The following STX18 variants were observed in gnomAD, a reference collection of about 807,000 sequenced individuals.
The protein encoded by STX18 is syntaxin 18.
Under a neutral mutation model 50.1 loss-of-function variants are expected in STX18, and 40 were observed. The observed-to-expected ratio is 0.80, with a 90% CI of 0.62 to 1.04. STX18 has a LOEUF of 1.04. STX18 is among the 50% of genes least tolerant of loss of function. The pLI is 0.00. For missense variants in STX18, 410 were observed against 415.8 expected (o/e 0.99, Z 0.12); for synonymous variants, 158 against 151.8 (o/e 1.04, Z -0.30).
intron 7 of STX18, among the ~76,000 whole-genome samples, chr4:4,427,223 G>C (rs1036962539): frequency 6.6e-6 from 1 of 152,160 alleles, no homozygotes; most frequent in Non-Finnish European, 1.5e-5. Flanking sequence ...CAGACCCACC[G>C]GGCCAGAAAA....
At chr4:4,437,701 G>A in intron 6 of STX18, 10 of 825,650 alleles carry the variant, frequency 1.2e-5, no homozygotes, top group Non-Finnish European at 1.5e-5. Flanking sequence ...CCTGGCTCCA[G>A]CACGCCATCA....
intron 1 of STX18, among the ~76,000 whole-genome samples, chr4:4,538,267 T>C (rs980736004): frequency 9.9e-5 from 15 of 152,120 alleles, no homozygotes; most frequent in African/African-American, 3.6e-4. Flanking sequence ...AGGGATCCAC[T>C]AAGAAATTAG....
intron 1 of STX18, among the ~76,000 whole-genome samples, chr4:4,516,613 A>G (rs1293233493): frequency 6.6e-6 from 1 of 152,196 alleles, no homozygotes; most frequent in African/African-American, 2.4e-5. Flanking sequence ...AAACATCAAC[A>G]TTCTGCATTT....
intron 1 of STX18, among the ~76,000 whole-genome samples, chr4:4,480,446 A>G (rs1305576325): frequency 2.0e-5 from 3 of 152,168 alleles, no homozygotes; most frequent in Non-Finnish European, 4.4e-5. Context: ...GGCTCTGCTC[A>G]GGTGTCACAC....
chr4:4,538,115 A>AAC (rs1214130280), intron 1 of STX18, among the ~76,000 whole-genome samples: 1 of 151,472 alleles, frequency 6.6e-6, no homozygotes, highest in Non-Finnish European at 1.5e-5. Context: ...AAAAAAAAAA[A>AAC]CCACAAACAA....
chr4:4,527,867 C>CACACATATTATAT (rs372566368), intron 1 of STX18, among the ~76,000 whole-genome samples: 1 of 137,208 alleles, frequency 7.3e-6, no homozygotes, highest in African/African-American at 2.6e-5. Context: ...CACACACACA[C>CACACATATTATAT]ATATATATAT....
chr4:4,438,757 T>C (rs112894784), intron 5 of STX18, among the ~76,000 whole-genome samples: 3 of 151,956 alleles, frequency 2.0e-5, no homozygotes, highest in African/African-American at 2.4e-5. Context: ...GTGACCAGCA[T>C]GCAGGGGGAG....
At chr4:4,425,068 C>T in intron 8 of STX18, 96 bp downstream of exon 8, 2 of 1,171,688 alleles carry the variant, frequency 1.7e-6, no homozygotes, top group Non-Finnish European at 2.5e-6. Context: ...CCCAAGGGCC[C>T]CATGGGGATG....
chr4:4,517,067 T>C (rs1166832050), intron 1 of STX18, among the ~76,000 whole-genome samples: 1 of 152,186 alleles, frequency 6.6e-6, no homozygotes, highest in East Asian at 1.9e-4. Flanking sequence ...TCACAGAAAG[T>C]TGGTTCTCAG....
intron 1 of STX18, among the ~76,000 whole-genome samples, chr4:4,524,206 A>C (rs1281156166): frequency 6.6e-6 from 1 of 152,222 alleles, no homozygotes; most frequent in Non-Finnish European, 1.5e-5. Context: ...CCTTCAGTTC[A>C]AAGTGGTATT....
intron 1 of STX18, among the ~76,000 whole-genome samples, chr4:4,477,278 G>C (rs74605469): frequency 6.6e-6 from 1 of 152,174 alleles, no homozygotes; most frequent in East Asian, 1.9e-4. Flanking sequence ...AACTCATGTA[G>C]TACTTTCTTC....
chr4:4,480,061 T>G (rs1056226833), intron 1 of STX18, among the ~76,000 whole-genome samples: 1 of 152,128 alleles, frequency 6.6e-6, no homozygotes, highest in African/African-American at 2.4e-5. Context: ...GCGTGAAACA[T>G]AGGAAATGCA....
intron 2 of STX18, among the ~76,000 whole-genome samples, chr4:4,463,491 A>G (rs796366804): frequency 1.2e-4 from 18 of 152,358 alleles, no homozygotes; most frequent in African/African-American, 4.1e-4. Context: ...ACAGATTCAC[A>G]TGGTTCGTAA....
chr4:4,487,411 T>C (rs921412946), intron 1 of STX18, among the ~76,000 whole-genome samples: 10 of 152,242 alleles, frequency 6.6e-5, no homozygotes, highest in African/African-American at 2.4e-4. Context: ...TCGGACACCA[T>C]GTTAAACCCA....
Position 4,439,605 on chromosome 4 carries a change from AC to A in STX18, c.498-1097del, listed in dbSNP as rs200708702. ...TACACACACACACCCCCACACACATACCCCCCAACATATATACTCATACACA... is the reference window on the plus strand; with the variant it reads ...TACACACACACACCCCCACACACATACCCCCAACATATATACTCATACACA... On this transcript the variant is annotated intron_variant, in intron 5 of 10. Coordinates refer to ENST00000306200, the MANE Select transcript of STX18 (RefSeq NM_016930.4). Among the ~76,000 whole-genome samples, 1,073 of 142,004 alleles carry A rather than the reference AC, an allele frequency of 7.6e-3. 10 individuals are homozygous for A. Among genetic ancestry groups the A allele is most frequent in the African/African-American group, 0.027 (1,016 of 38,148 alleles). 93.2% of individuals were successfully genotyped at this position (142,004 alleles called of 152,430 possible). A position where few individuals can be genotyped will look rare whatever the true frequency, so the allele number is the denominator to read the frequency against.
chr4:4,429,765 T>C lies in STX18; in HGVS notation c.703-4543A>G, dbSNP rs144726555. On this transcript the variant is annotated intron_variant, in intron 7 of 10. Transcript: ENST00000306200. ...CCCAGGGTCTGTCCAGCTCTCACTA[T>C]GTGGTATTCAGATTCCACCAATCCT... is the stretch of plus-strand genomic sequence containing the variant. 1.2e-3 allele frequency among the ~76,000 whole-genome samples: 185 copies of C among 152,328 alleles called. 1 individual carries two copies. The highest frequency in any genetic ancestry group is 2.1e-3 in the Admixed American group (32 of 15,308).
chr4:4,459,375 C>T lies in STX18; in HGVS notation c.349G>A (p.Glu117Lys). 1 of 1,612,532 alleles carries T rather than the reference C, an allele frequency of 6.2e-7. No individual in the cohort carries two copies. Among genetic ancestry groups the T allele is most frequent in the Non-Finnish European group, 8.5e-7 (1 of 1,178,664 alleles). ...CSEAIQQLRTEAHKEIHSQQV... is the reference protein window; with the variant it reads ...CSEAIQQLRTKAHKEIHSQQV... ...TGCATCTTTCAGAGCACTTTACCTT[C>T]TGTTCGTAGTTGCTGAATTGCTTCT... Residue 117 changes from glutamate to lysine, a missense_variant, in exon 3 of 11, where the codon GAA (glutamate) becomes AAA (lysine). Transcript: ENST00000306200.
At chr4:4,476,129 C>A (rs1332947616) in intron 1 of STX18, 1 of 152,228 alleles carries the variant, frequency 6.6e-6, no homozygotes, top group East Asian at 1.9e-4. Flanking sequence ...GAACAGTCTT[C>A]CATCAGACTG....
intron 2 of STX18, among the ~76,000 whole-genome samples, chr4:4,460,320 C>T (rs931804746): frequency 6.6e-6 from 1 of 152,122 alleles, no homozygotes; most frequent in Non-Finnish European, 1.5e-5. Context: ...AATGAATGAG[C>T]CTGAGTTGGA....
Sources: allele counts gnomAD v4.1 joint callset (sites outside exome capture counted in the v4.1 genomes callset), GRCh38; gene constraint gnomAD v4.1.1; transcripts MANE v1.5; gene names NCBI Gene and HGNC (gene_info 2026-07-23, HGNC 2026-07-21).